Variants in HHAT observed in about 807,000 individuals in gnomAD.
HHAT encodes the protein protein-cysteine N-palmitoyltransferase HHAT.
HHAT carries 47 observed loss-of-function variants against 70.8 expected under a neutral mutation model. That is an observed-to-expected ratio of 0.66 (90% CI 0.53 to 0.85). The LOEUF is 0.85. HHAT is among the 40% of genes least tolerant of loss of function. The pLI is 0.00. For synonymous variants in HHAT, 228 were observed against 247.6 expected (o/e 0.92, Z 0.74); for missense variants, 609 against 604.8 (o/e 1.01, Z -0.07).
chr1:210,575,052 T>C (rs999877723), intron 9 of HHAT, among the ~76,000 whole-genome samples: 1 of 152,096 alleles, frequency 6.6e-6, no homozygotes, highest in African/African-American at 2.4e-5. Context: ...AAGATGGTGG[T>C]AATTTTGATC....
At chr1:210,338,300 A>G (rs1305186810) in intron 1 of HHAT, among the ~76,000 whole-genome samples, 1 of 152,172 alleles carries the variant, frequency 6.6e-6, no homozygotes, top group Non-Finnish European at 1.5e-5. Flanking sequence ...AGATTGTGCC[A>G]CTGCATTCCA....
intron 7 of HHAT, among the ~76,000 whole-genome samples, chr1:210,462,015 G>A (rs1433765125): frequency 6.6e-6 from 1 of 152,156 alleles, no homozygotes; most frequent in Non-Finnish European, 1.5e-5. Flanking sequence ...AGTTCTGTAT[G>A]AAAGTACTAA....
chr1:210,673,994 A>ACATG (rs200634694), intron 11 of HHAT, among the ~76,000 whole-genome samples: 4,374 of 146,318 alleles, frequency 0.03, 80 homozygotes, highest in Middle Eastern at 0.064. Context: ...GTTTTAGGGT[A>ACATG]CATGTGCACA....
At chr1:210,386,019 T>C (rs1034623939) in intron 3 of HHAT, among the ~76,000 whole-genome samples, 4 of 152,180 alleles carry the variant, frequency 2.6e-5, no homozygotes, top group African/African-American at 9.7e-5. Context: ...TAGTCTGTTA[T>C]GAATCAAGAT....
At chr1:210,614,615 A>T (rs962690134) in intron 10 of HHAT, among the ~76,000 whole-genome samples, 1 of 151,300 alleles carries the variant, frequency 6.6e-6, no homozygotes, top group Non-Finnish European at 1.5e-5. Context: ...CCTGTGTCCA[A>T]GTGTTCTCAT....
chr1:210,566,142 C>G (rs986042545), intron 9 of HHAT, among the ~76,000 whole-genome samples: 3 of 152,128 alleles, frequency 2.0e-5, no homozygotes, highest in Non-Finnish European at 4.4e-5. Context: ...AAACATGACC[C>G]TGAACACTTA....
chr1:210,584,752 C>A (rs1386579841), intron 9 of HHAT, among the ~76,000 whole-genome samples: 2 of 152,190 alleles, frequency 1.3e-5, no homozygotes, highest in Non-Finnish European at 2.9e-5. Context: ...CACCCTTCTC[C>A]CCTGCACTCT....
At chr1:210,578,836 TAGTC>T (rs1658512536) in intron 9 of HHAT, among the ~76,000 whole-genome samples, 2 of 152,276 alleles carry the variant, frequency 1.3e-5, no homozygotes, top group Admixed American at 1.3e-4. Flanking sequence ...GATCTAAAAA[TAGTC>T]AAACTCCACA....
At chr1:210,632,510 CT>C (rs1255779340) in intron 11 of HHAT, among the ~76,000 whole-genome samples, 1 of 152,170 alleles carries the variant, frequency 6.6e-6, no homozygotes. Context: ...CTGCTCATTA[CT>C]GTACACATGG....
At chr1:210,536,811 G>A (rs1315701962) in intron 9 of HHAT, among the ~76,000 whole-genome samples, 4 of 152,128 alleles carry the variant, frequency 2.6e-5, no homozygotes, top group Admixed American at 6.5e-5. Context: ...TTAATTCTTT[G>A]TTGTGGGAGC....
chr1:210,464,685 A>T (rs2094059982), intron 8 of HHAT, 30 bp downstream of exon 8: 2 of 1,613,182 alleles, frequency 1.2e-6, no homozygotes, highest in Non-Finnish European at 1.7e-6. Flanking sequence ...AAAGTTGGTC[A>T]GGCATGTCCA....
chr1:210,570,706 A>G (rs961094053), intron 9 of HHAT, among the ~76,000 whole-genome samples: 4 of 152,188 alleles, frequency 2.6e-5, no homozygotes, highest in Non-Finnish European at 4.4e-5. Context: ...TCTCCAAGCA[A>G]GCTCCTCACT....
At chr1:210,327,587 C>T (rs607410), upstream of HHAT, among the ~76,000 whole-genome samples, 1 of 152,020 alleles carries the variant, frequency 6.6e-6, no homozygotes, top group African/African-American at 2.4e-5. Context: ...CTCACTGCAA[C>T]CTCTGCCGCC....
chr1:210,458,104 C>G (rs1474637530), intron 7 of HHAT, among the ~76,000 whole-genome samples: 2 of 152,024 alleles, frequency 1.3e-5, no homozygotes, highest in African/African-American at 4.8e-5. Flanking sequence ...GGAAGCATGG[C>G]CTTTGGAGAA....
intron 9 of HHAT, among the ~76,000 whole-genome samples, chr1:210,568,816 G>C (rs78754209): frequency 0.022 from 3,358 of 152,224 alleles, 112 homozygotes; most frequent in African/African-American, 0.074. Context: ...GCATGAATCA[G>C]CTTTATTTTC....
intron 3 of HHAT, among the ~76,000 whole-genome samples, chr1:210,386,068 T>C (rs1413489943): frequency 6.6e-6 from 1 of 151,990 alleles, no homozygotes; most frequent in Non-Finnish European, 1.5e-5. Flanking sequence ...AAAAAGAGTT[T>C]TATTTGTGTG....
chr1:210,331,548 A>T (rs1473333813), intron 1 of HHAT, among the ~76,000 whole-genome samples: 4 of 152,222 alleles, frequency 2.6e-5, no homozygotes, highest in African/African-American at 9.6e-5. Context: ...CACCTGGCTT[A>T]TTCACAAATG....
At chr1:210,491,376 A>T (rs2094549596) in intron 8 of HHAT, among the ~76,000 whole-genome samples, 1 of 152,136 alleles carries the variant, frequency 6.6e-6, no homozygotes, top group South Asian at 2.1e-4. Context: ...CCTTAGGATA[A>T]ACTGCAAACT....
intron 11 of HHAT, among the ~76,000 whole-genome samples, chr1:210,644,235 T>G (rs778824989): frequency 6.6e-6 from 1 of 152,198 alleles, no homozygotes; most frequent in Non-Finnish European, 1.5e-5. Flanking sequence ...GTTCAGCATT[T>G]CTCAAAGTAT....
Sources: allele counts gnomAD v4.1 joint callset (sites outside exome capture counted in the v4.1 genomes callset), GRCh38; gene constraint gnomAD v4.1.1; transcripts MANE v1.5; gene names NCBI Gene and HGNC (gene_info 2026-07-23, HGNC 2026-07-21).